Variants in VNN1 observed in about 807,000 individuals in gnomAD.
VNN1 encodes pantetheinase.
Under a neutral mutation model 41.9 loss-of-function variants are expected in VNN1, and 29 were observed. That is an observed-to-expected ratio of 0.69 (90% CI 0.52 to 0.94). VNN1 has a LOEUF of 0.94. Among genes scored for constraint, VNN1 ranks in the 40% least tolerant of loss-of-function variants. VNN1 has a pLI of 0.00. For synonymous variants in VNN1, 233 were observed against 224.4 expected, an observed-to-expected ratio of 1.04 and a Z score of -0.34; for missense variants, 637 against 621.1, an observed-to-expected ratio of 1.03 and a Z score of -0.27.
chr6:132,682,821 G>C lies in VNN1; in HGVS notation c.*319C>G, dbSNP rs1582765144. ...AAGTGGTAACAAGAGCAGCCTCCTT[G>C]TAAGTAAATTTTATGATAGTTCTTA... On this transcript the variant is annotated 3_prime_UTR_variant, in exon 7 of 7. Coordinates refer to ENST00000367928, the MANE Select transcript of VNN1 (RefSeq NM_004666.3). 5.8e-6 allele frequency: 1 copy of C among 171,218 alleles called. No homozygotes were observed. 10.6% of individuals were successfully genotyped at this position (171,218 alleles called of 1,614,324 possible).
intron 5 of VNN1, among the ~76,000 whole-genome samples, chr6:132,691,973 C>T (rs1413648237): frequency 6.7e-6 from 1 of 149,240 alleles, no homozygotes; most frequent in Non-Finnish European, 1.5e-5. Flanking sequence ...CACTGCACTC[C>T]AGCTTGGGCT....
rs1207823728 is a variant in VNN1, at chr6:132,692,296, T to C, written c.1115A>G (p.Asn372Ser). 3 of 1,614,084 alleles carry C rather than the reference T, an allele frequency of 1.9e-6. No individual in the cohort carries two copies. The highest frequency in any genetic ancestry group is 1.3e-5 in the African/African-American group (1 of 74,938). The change falls in exon 5 of 7, where the codon AAC becomes AGC. Residue 372 changes from asparagine to serine, a missense_variant. By Grantham distance (46) the Asn-to-Ser change is conservative. Transcript: ENST00000367928. ...TAGAGCGTACACTTCATTTGGTATGTTCTCAGACATTTTGTAGCTTAAATG... is the reference window on the plus strand; with the variant it reads ...TAGAGCGTACACTTCATTTGGTATGCTCTCAGACATTTTGTAGCTTAAATG... Reference protein sequence around the residue: ...CCHLSYKMSENIPNEVYALGA... With the variant: ...CCHLSYKMSESIPNEVYALGA...
intron 2 of VNN1, among the ~76,000 whole-genome samples, chr6:132,698,345 T>A (rs1027523543): frequency 2.6e-5 from 4 of 152,228 alleles, no homozygotes; most frequent in Non-Finnish European, 5.9e-5. Context: ...TGTTAAATAT[T>A]CAACAAATAT....
In VNN1 at chr6:132,692,349, A is replaced by G. The variant is rs1448346773; in HGVS notation, c.1062T>C (p.Tyr354=). The change falls in exon 5 of 7, where the codon TAT becomes TAC. Residue 354 remains tyrosine (Y), a synonymous_variant. Transcript: ENST00000367928. ...AGCAGAGATCTTTCTGACAAACTGT[A>G]TAATTTCCTGCAACTCCTGTGAGCT... ...FVKLTGVAGN[Y]TVCQKDLCCH... 1.9e-6 allele frequency: 3 copies of G among 1,614,226 alleles called. No individual in the cohort carries two copies. Among genetic ancestry groups the G allele is most frequent in the Non-Finnish European group, 2.5e-6 (3 of 1,180,038 alleles).
chr6:132,701,289 G>A (rs1001322415), intron 2 of VNN1, among the ~76,000 whole-genome samples: 9 of 152,082 alleles, frequency 5.9e-5, no homozygotes, highest in African/African-American at 2.2e-4. Flanking sequence ...GCATAATAAA[G>A]GTTAATATTC....
At chr6:132,707,139 T>C (rs1778530503) in intron 2 of VNN1, among the ~76,000 whole-genome samples, 1 of 151,356 alleles carries the variant, frequency 6.6e-6, no homozygotes. Context: ...GGCAGGAGAA[T>C]TGCTTGAACC....
In VNN1 at chr6:132,693,321, A is replaced by G. The variant is rs1434147124; in HGVS notation, c.535-6T>C. 3 of 1,590,542 alleles carry G rather than the reference A, an allele frequency of 1.9e-6. No individual in the cohort carries two copies. The highest frequency in any genetic ancestry group is 2.6e-6 in the Non-Finnish European group (3 of 1,169,756). ...TCACCCATGAAAAGGTTTTGCTGCA[A>G]TAAACAGAAGATAAAGAGAAAAAAA... On this transcript the variant is annotated splice_region_variant and splice_polypyrimidine_tract_variant and intron_variant, in intron 3 of 6. Coordinates refer to ENST00000367928, the MANE Select transcript of VNN1 (RefSeq NM_004666.3).
rs139908450 is a variant in VNN1 at position 132,687,749 on chromosome 6, T to C, written c.1189-3244A>G. ...TTATTATTTTTAGCTCAAGATAAAC[T>C]TATGAAAATGATATTGTGGAAAAAT... On this transcript the variant is annotated intron_variant, in intron 5 of 6. Coordinates refer to ENST00000367928, the MANE Select transcript of VNN1 (RefSeq NM_004666.3). Among the ~76,000 whole-genome samples the C allele has an allele frequency of 4.5e-4, 68 of 152,288 alleles. 2 individuals carry two copies. In the East Asian group the frequency reaches 0.013, roughly 29 times the overall value.
intron 5 of VNN1, among the ~76,000 whole-genome samples, chr6:132,687,305 A>G (rs1365404110): frequency 6.6e-6 from 1 of 152,240 alleles, no homozygotes; most frequent in East Asian, 1.9e-4. Flanking sequence ...TAAATTTAAG[A>G]GGAAAGGCAG....
At chr6:132,705,104 A>G (rs540519666) in intron 2 of VNN1, among the ~76,000 whole-genome samples, 1 of 152,220 alleles carries the variant, frequency 6.6e-6, no homozygotes, top group Admixed American at 6.5e-5. Flanking sequence ...CCAAACAATT[A>G]AAGAACTAAT....
At chr6:132,687,639 G>A (rs1438738188) in intron 5 of VNN1, among the ~76,000 whole-genome samples, 1 of 152,124 alleles carries the variant, frequency 6.6e-6, no homozygotes, top group Non-Finnish European at 1.5e-5. Context: ...AAATAGCTAA[G>A]AGAGCATTCC....
rs1033624378 is a variant in VNN1, at chr6:132,692,267, C to G, written c.1144G>C (p.Ala382Pro). ...TCCACAGTGTGCAGTCCGTCAAATG[C>G]CCCTAGAGCGTACACTTCATTTGGT... ...NIPNEVYALG[A>P]FDGLHTVEGR... Residue 382 changes from alanine to proline, a missense_variant, in exon 5 of 7, where the codon GCA becomes CCA. Ala to Pro is a conservative substitution (Grantham distance 27, BLOSUM62 -1). Transcript: ENST00000367928. 1 of 1,612,174 alleles carries G rather than the reference C, an allele frequency of 6.2e-7. No homozygotes were observed. The highest frequency in any genetic ancestry group is 8.5e-7 in the Non-Finnish European group (1 of 1,179,056).
rs1225460896 is a variant in VNN1 at position 132,713,704 on chromosome 6, C to A, written c.210+122G>T. On this transcript the variant is annotated intron_variant, in intron 1 of 6. Coordinates refer to ENST00000367928, the MANE Select transcript of VNN1 (RefSeq NM_004666.3). ...GAATTCTAACTGTAAAATAAAGGTT[C>A]TTGGCTACTCTGATACATATATCAT... 33 of 1,052,584 alleles carry A rather than the reference C, an allele frequency of 3.1e-5. No homozygotes were observed. In the South Asian group the frequency reaches 5.6e-4, roughly 18 times the overall value. 65.2% of individuals were successfully genotyped at this position (1,052,584 alleles called of 1,614,324 possible). A position where few individuals can be genotyped will look rare whatever the true frequency, so the allele number is the denominator to read the frequency against.
intron 2 of VNN1, among the ~76,000 whole-genome samples, chr6:132,703,534 A>G (rs1466368849): frequency 6.6e-6 from 1 of 152,190 alleles, no homozygotes; most frequent in Non-Finnish European, 1.5e-5. Flanking sequence ...GCTGCATAAC[A>G]TCAAATCAAA....
At chr6:132,705,335 G>A (rs540556950) in intron 2 of VNN1, among the ~76,000 whole-genome samples, 67 of 152,220 alleles carry the variant, frequency 4.4e-4, no homozygotes, top group African/African-American at 1.4e-3. Flanking sequence ...TGACCAAGTC[G>A]GATTTATCCC....
Position 132,711,639 on chromosome 6 carries a change from A to G in VNN1, c.341+70T>C, listed in dbSNP as rs545117482. 3.9e-4 allele frequency: 606 copies of G among 1,551,202 alleles called. 6 individuals carry two copies. The South Asian group carries it at 6.9e-3, about 18-fold the overall frequency. ...TTGATCATGGATCTATGCAATGATC[A>G]TCAACAAAGTTTTCCCAGGTAAATC... On this transcript the variant is annotated intron_variant, in intron 2 of 6. Coordinates refer to ENST00000367928, the MANE Select transcript of VNN1 (RefSeq NM_004666.3).
chr6:132,687,418 G>A (rs575362303), intron 5 of VNN1, among the ~76,000 whole-genome samples: 12 of 152,148 alleles, frequency 7.9e-5, no homozygotes, highest in Non-Finnish European at 1.6e-4. Flanking sequence ...AGGAAGACGG[G>A]GAACAGAAAA....
At chr6:132,684,312 T>A (rs761970920) in intron 6 of VNN1, 23 bp downstream of exon 6, 4 of 1,597,462 alleles carry the variant, frequency 2.5e-6, no homozygotes, top group Non-Finnish European at 3.4e-6. Flanking sequence ...TGAAACTAAT[T>A]GGCAATATTC....
chr6:132,682,398 A>C lies in VNN1; in HGVS notation c.*742T>G, dbSNP rs1485154752. On this transcript the variant is annotated 3_prime_UTR_variant, in exon 7 of 7. Transcript: ENST00000367928. ...TGGGTGACTTAAACAATAGAAATTT[A>C]TTTCTCATAGTTTTGGAGGCTGGAA... 2.0e-5 allele frequency: 3 copies of C among 152,600 alleles called. No individual in the cohort carries two copies. Among genetic ancestry groups the C allele is most frequent in the Non-Finnish European group, 2.9e-5 (2 of 68,458 alleles). 9.5% of individuals were successfully genotyped at this position (152,600 alleles called of 1,614,324 possible). A position where few individuals can be genotyped will look rare whatever the true frequency, so the allele number is the denominator to read the frequency against.
Sources: gnomAD v4.1 joint callset for allele counts (sites outside exome capture counted in the v4.1 genomes callset) on GRCh38, gnomAD v4.1.1 for gene constraint, MANE v1.5 for transcripts, NCBI Gene and HGNC (gene_info 2026-07-23, HGNC 2026-07-21) for gene names.